MED6: variants seen among roughly 807,000 people sequenced by gnomAD.
The protein encoded by MED6 is mediator of RNA polymerase II transcription subunit 6.
Under a neutral mutation model 37.5 loss-of-function variants are expected in MED6, and 33 were observed. That is an observed-to-expected ratio of 0.88 (90% CI 0.67 to 1.18). MED6 has a LOEUF of 1.18. Ranked by LOEUF, MED6 falls within the 50% of genes most tolerant of loss-of-function variation. MED6 has a pLI of 0.00. For missense variants in MED6, 235 were observed against 290.6 expected (o/e 0.81, Z 1.39); for synonymous variants, 94 against 93.6 (o/e 1.00, Z -0.02).
chr14:70,599,831 C>T (rs1216771031), intron 1 of MED6, among the ~76,000 whole-genome samples: 1 of 152,030 alleles, frequency 6.6e-6, no homozygotes, highest in Admixed American at 6.6e-5. Flanking sequence ...ATGAAAGACA[C>T]GTATGTAAAA....
At chr14:70,592,384 G>A (rs538952711) in intron 5 of MED6, 1 of 151,662 alleles carries the variant, frequency 6.6e-6, no homozygotes, top group African/African-American at 2.4e-5. Flanking sequence ...AAGACTGGAG[G>A]AATAAAGAGT....
At chr14:70,587,370 C>T (rs576902997) in intron 6 of MED6, among the ~76,000 whole-genome samples, 4 of 152,246 alleles carry the variant, frequency 2.6e-5, no homozygotes, top group African/African-American at 7.2e-5. Flanking sequence ...TCCCCAAATA[C>T]GGGAGTCATC....
chr14:70,597,670 T>C lies in MED6; in HGVS notation c.130A>G (p.Thr44Ala). ...SERSNPFYDR[T>A]CNNEVVKMQR... ...ATTTTGACCACTTCATTATTACATG[T>C]TCTGTCATAAAAAGGATTACTTCTT... Residue 44 changes from threonine to alanine, a missense_variant, in exon 2 of 8, where the codon ACA (threonine) becomes GCA (alanine). Thr to Ala is a moderately conservative substitution (Grantham distance 58). Coordinates refer to ENST00000256379, the MANE Select transcript of MED6 (RefSeq NM_005466.4). 6.4e-7 allele frequency: 1 copy of C among 1,557,872 alleles called. No individual in the cohort carries two copies. The highest frequency in any genetic ancestry group is 8.6e-7 in the Non-Finnish European group (1 of 1,159,222).
At chr14:70,596,789 G>C in intron 2 of MED6, 87 bp from the exon 3 acceptor site, 4 of 955,240 alleles carry the variant, frequency 4.2e-6, no homozygotes, top group South Asian at 3.0e-5. Flanking sequence ...TAAAAATGCA[G>C]CAACACTTTA....
chr14:70,600,211 G>C (rs1885164789), intron 1 of MED6, among the ~76,000 whole-genome samples: 1 of 152,102 alleles, frequency 6.6e-6, no homozygotes, highest in South Asian at 2.1e-4. Flanking sequence ...GCGGTCTAAA[G>C]AATTAGGCAG....
At chr14:70,596,465 G>T (rs1432150349) in intron 3 of MED6, 146 bp downstream of exon 3, 1 of 566,912 alleles carries the variant, frequency 1.8e-6, no homozygotes, top group African/African-American at 1.9e-5. Context: ...GCTAAGTCTG[G>T]TGAGTCCTCC....
intron 6 of MED6, 33 bp downstream of exon 6, chr14:70,591,233 C>A (rs1485840144): frequency 6.7e-7 from 1 of 1,495,724 alleles, no homozygotes; most frequent in South Asian, 1.2e-5. Flanking sequence ...AAAGAAGTGT[C>A]AAATCAAGAT....
intron 6 of MED6, among the ~76,000 whole-genome samples, chr14:70,590,033 ATATTTT>A (rs1355259476): frequency 6.6e-6 from 1 of 152,248 alleles, no homozygotes; most frequent in East Asian, 1.9e-4. Context: ...CATATAATCA[ATATTTT>A]TAAACTACTG....
intron 3 of MED6, chr14:70,595,719 G>A (rs893254855): frequency 6.8e-6 from 5 of 736,636 alleles, no homozygotes; most frequent in South Asian, 2.9e-5. Flanking sequence ...TCTTGGTGAC[G>A]CCCTGGACAG....
rs538548369 is a variant in MED6, at chr14:70,592,998, G to A, written c.358-10C>T. The A allele has an allele frequency of 6.2e-7, 1 of 1,612,708 alleles. No individual in the cohort carries two copies. Among genetic ancestry groups the A allele is most frequent in the Admixed American group, 1.7e-5 (1 of 59,928 alleles). On this transcript the variant is annotated splice_polypyrimidine_tract_variant and intron_variant, in intron 4 of 7. Coordinates refer to ENST00000256379, the MANE Select transcript of MED6 (RefSeq NM_005466.4). ...CATGCACTGCAGTAAGCTTGTAAAA[G>A]GAAAATAAACTCTAAATTTATCATT...
At position 70,592,934 on chromosome 14, in the gene MED6, G is replaced by A. The variant is rs745612044; in HGVS notation, c.412C>T (p.Arg138Ter). ...CAATACCCTTTGGAAGGATGATATC[G>A]ACAGTATGACATAGCTTCATCAAAA... ...SAFDEAMSYC[R>*]YHPSKGYWWH... The change falls in exon 5 of 8, where the codon CGA becomes TGA. Residue 138 changes from arginine (R) to a stop codon, truncating the protein, a stop_gained. Coordinates refer to ENST00000256379, the MANE Select transcript of MED6 (RefSeq NM_005466.4). LOFTEE classifies it high-confidence loss of function. The A allele has an allele frequency of 6.2e-6, 10 of 1,613,776 alleles. No individual in the cohort carries two copies. Among genetic ancestry groups the A allele is most frequent in the East Asian group, 2.2e-5 (1 of 44,856 alleles).
At chr14:70,595,656 T>C in intron 3 of MED6, 1 of 954,146 alleles carries the variant, frequency 1.0e-6, no homozygotes, top group Non-Finnish European at 1.6e-6. Context: ...GGTCAAGCTG[T>C]AGGCTGAGAT....
At chr14:70,587,997 G>A (rs1248593174) in intron 6 of MED6, among the ~76,000 whole-genome samples, 1 of 152,174 alleles carries the variant, frequency 6.6e-6, no homozygotes, top group Non-Finnish European at 1.5e-5. Flanking sequence ...AAGCCCAACT[G>A]CTCGATAAAA....
At chr14:70,593,490 A>T in intron 3 of MED6, 112 bp from the exon 4 acceptor site, 1 of 786,900 alleles carries the variant, frequency 1.3e-6, no homozygotes, top group Non-Finnish European at 2.0e-6. Flanking sequence ...AGGGTTTAGC[A>T]ATTACTGTTT....
rs138180403 is a variant in MED6 at position 70,584,914 on chromosome 14, T to C, written c.640A>G (p.Ile214Val). Residue 214 changes from isoleucine (I) to valine (V), a missense_variant, in exon 8 of 8, where the codon ATA (isoleucine) becomes GTA (valine). Ile to Val is a conservative substitution (Grantham distance 29). Coordinates refer to ENST00000256379, the MANE Select transcript of MED6 (RefSeq NM_005466.4). ...VDQTKKEAEP[I>V]PETVKPEEKE... The stretch of plus-strand genomic sequence containing the variant: ...TCCTCAGGTTTTACAGTTTCTGGTA[T>C]AGGTTCTGCCTCTTTCTTTGTTTGA... The C allele has an allele frequency of 6.9e-5, 111 of 1,614,164 alleles. 3 individuals are homozygous for C. In the East Asian group the frequency reaches 2.3e-3, roughly 34 times the overall value.
chr14:70,587,432 T>C (rs545629519), intron 6 of MED6, among the ~76,000 whole-genome samples: 10 of 152,304 alleles, frequency 6.6e-5, no homozygotes, highest in African/African-American at 2.4e-4. Context: ...AAAATATCAA[T>C]ACTTAACATG....
chr14:70,584,203 C>A lies in MED6; in HGVS notation c.*610G>T. 2 of 748,734 alleles carry A rather than the reference C, an allele frequency of 2.7e-6. No homozygotes were observed. The highest frequency in any genetic ancestry group is 2.8e-5 in the South Asian group (2 of 72,060). The allele number at this position is 748,734 out of a possible 1,614,324, so 46.4% of individuals were successfully genotyped here. ...TCTTCAAAGTGCATCTGAAAAATAT[C>A]AGTTATGATGAAGAAAAAAGTCATG... is the stretch of plus-strand genomic sequence containing the variant. On this transcript the variant is annotated 3_prime_UTR_variant, in exon 8 of 8. Transcript: ENST00000256379.
rs552073970 is a variant in MED6, at chr14:70,584,537, G to A, written c.*276C>T. 1.6e-4 allele frequency: 52 copies of A among 317,994 alleles called. No individual in the cohort carries two copies. The highest frequency in any genetic ancestry group is 1.5e-3 in the East Asian group (21 of 14,292). 19.7% of individuals were successfully genotyped at this position (317,994 alleles called of 1,614,324 possible). On this transcript the variant is annotated 3_prime_UTR_variant, in exon 8 of 8. Transcript: ENST00000256379. The stretch of plus-strand genomic sequence containing the variant: ...ACTATGGGCGCCCGCCACCACGCCC[G>A]GCTAATTTTTGTATTTTTAGTAGAG...
chr14:70,595,218 C>T, intron 3 of MED6: 1 of 540,696 alleles, frequency 1.8e-6, no homozygotes. Context: ...GGCCTACAAG[C>T]CCAGACTGCC....
Sources: gnomAD v4.1 joint callset for allele counts (sites outside exome capture counted in the v4.1 genomes callset) on GRCh38, gnomAD v4.1.1 for gene constraint, MANE v1.5 for transcripts, NCBI Gene and HGNC (gene_info 2026-07-23, HGNC 2026-07-21) for gene names.